PSMD1: variants seen among roughly 807,000 people sequenced by gnomAD.
The protein encoded by PSMD1 is 26S proteasome non-ATPase regulatory subunit 1.
PSMD1 carries 18 observed loss-of-function variants against 119.0 expected under a neutral mutation model. The observed-to-expected ratio is 0.15, with a 90% CI of 0.10 to 0.22. The LOEUF is 0.22. Among genes scored for constraint, PSMD1 ranks in the 10% least tolerant of loss-of-function variants. PSMD1 has a pLI of 1.00. For missense variants in PSMD1, 702 were observed against 1,158.5 expected (o/e 0.61, Z 5.72); for synonymous variants, 374 against 396.6 (o/e 0.94, Z 0.68).
At chr2:231,078,791 C>CTTTTTCTTTTTT in intron 10 of PSMD1, 44 bp downstream of exon 10, 1 of 341,372 alleles carries the variant, frequency 2.9e-6, no homozygotes, top group South Asian at 4.2e-5. Flanking sequence ...AAATCTTTTT[C>CTTTTTCTTTTTT]TTTTTTTTTT....
chr2:231,073,923 A>G (rs1440949032), intron 7 of PSMD1, among the ~76,000 whole-genome samples: 1 of 152,212 alleles, frequency 6.6e-6, no homozygotes, highest in Middle Eastern at 3.4e-3. Flanking sequence ...ATCCTTTTAC[A>G]GAATTCTGTT....
In PSMD1 at chr2:231,108,710, C is replaced by T. The variant is rs368672604; in HGVS notation, c.1883+21529C>T. The T allele has an allele frequency of 8.1e-6, 13 of 1,613,944 alleles. No homozygotes were observed. Among genetic ancestry groups the T allele is most frequent in the African/African-American group, 8.0e-5 (6 of 74,902 alleles). Reference sequence around the variant, plus strand: ...CTTAGAGTTCTCTGCCATTGGATTCCGGAAGTAGATCTTACTGGAGCGTTT... The same window carrying T: ...CTTAGAGTTCTCTGCCATTGGATTCTGGAAGTAGATCTTACTGGAGCGTTT... On this transcript the variant is annotated intron_variant, in intron 16 of 24. Transcript: ENST00000308696.
In PSMD1 at chr2:231,170,141, G is replaced by C. The variant is rs1696881499; in HGVS notation, c.2716-425G>C. ...ATCTTGTTAGAATGCAGATTCTGCA[G>C]ATCTAGGGTGGGGCCAGCTTTTCTG... On this transcript the variant is annotated intron_variant, in intron 23 of 24. Transcript: ENST00000308696. The surrounding 1 kb of genome is among the most constrained non-coding windows in gnomAD (Gnocchi z 4.1). Among the ~76,000 whole-genome samples the C allele has an allele frequency of 6.6e-6, 1 of 152,204 alleles. No individual in the cohort carries two copies. Among genetic ancestry groups the C allele is most frequent in the African/African-American group, 2.4e-5 (1 of 41,456 alleles).
chr2:231,082,719 A>C (rs1694340671), intron 12 of PSMD1, among the ~76,000 whole-genome samples, 164 bp from the exon 13 acceptor site: 1 of 152,188 alleles, frequency 6.6e-6, no homozygotes, highest in Non-Finnish European at 1.5e-5. Flanking sequence ...CAAAAACTGC[A>C]ATTGCTGAGT....
intron 8 of PSMD1, 125 bp downstream of exon 8, chr2:231,075,696 T>C (rs780609776): frequency 1.0e-5 from 8 of 762,584 alleles, no homozygotes; most frequent in Non-Finnish European, 1.7e-5. Flanking sequence ...CCTCCCACCT[T>C]AGCCTCCCAA....
chr2:231,067,895 G>A (rs748642401), intron 5 of PSMD1, among the ~76,000 whole-genome samples: 1 of 152,042 alleles, frequency 6.6e-6, no homozygotes, highest in African/African-American at 2.4e-5. Flanking sequence ...GACCTCAAGT[G>A]ATCCACCCGT....
In PSMD1 at chr2:231,096,100, G is replaced by A. The variant is rs541037269; in HGVS notation, c.1883+8919G>A. On this transcript the variant is annotated intron_variant, in intron 16 of 24. Transcript: ENST00000308696. ...CTCTTGTAAATGGGCTAGCGGCTCC[G>A]TTCTTTCTAATGCTTTTTCTTATCT... is the stretch of plus-strand genomic sequence containing the variant. 2.6e-5 allele frequency among the ~76,000 whole-genome samples: 4 copies of A among 152,288 alleles called. No homozygotes were observed. In the South Asian group the frequency reaches 6.2e-4, roughly 24 times the overall value.
chr2:231,149,336 T>C (rs1028198879), intron 18 of PSMD1, among the ~76,000 whole-genome samples: 1 of 152,210 alleles, frequency 6.6e-6, no homozygotes, highest in Non-Finnish European at 1.5e-5. Context: ...CTCCTCTTTA[T>C]TAAATTATCT....
At chr2:231,109,080 T>TG in intron 16 of PSMD1, 1 of 1,614,256 alleles carries the variant, frequency 6.2e-7, no homozygotes. Flanking sequence ...TCACCTGAGT[T>TG]GGGCAGAGCC....
Position 231,170,925 on chromosome 2 carries a change from C to T in PSMD1, c.*9+204C>T, listed in dbSNP as rs908503922. Among the ~76,000 whole-genome samples the T allele has an allele frequency of 6.6e-6, 1 of 152,166 alleles. No homozygotes were observed. The highest frequency in any genetic ancestry group is 6.5e-5 in the Admixed American group (1 of 15,284). On this transcript the variant is annotated intron_variant, in intron 24 of 24. Coordinates refer to ENST00000308696, the MANE Select transcript of PSMD1 (RefSeq NM_002807.4). This position sits in a 1 kb window ranked among gnomAD's most constrained non-coding sequence, Gnocchi z 4.1. ...TCTTTCCTCTTTGACTCGTACTCTA[C>T]TCACGTTATTCAAAGTGGCTGGTCT...
At chr2:231,101,944 T>C (rs1232520042) in intron 16 of PSMD1, among the ~76,000 whole-genome samples, 1 of 152,180 alleles carries the variant, frequency 6.6e-6, no homozygotes, top group Non-Finnish European at 1.5e-5. Context: ...AACTGTAGAA[T>C]AGCAGAGACT....
chr2:231,105,130 G>C (rs543978590), intron 16 of PSMD1, among the ~76,000 whole-genome samples: 7 of 152,054 alleles, frequency 4.6e-5, no homozygotes, highest in Admixed American at 2.0e-4. Context: ...TTTATTCTTA[G>C]GATAGTCCAG....
At chr2:231,086,272 G>A (rs1694437978) in intron 15 of PSMD1, among the ~76,000 whole-genome samples, 1 of 152,142 alleles carries the variant, frequency 6.6e-6, no homozygotes, top group Admixed American at 6.6e-5. Context: ...TCGAACTCCT[G>A]GGCTCAAGCA....
chr2:231,156,395 G>C (rs893809848), intron 19 of PSMD1, among the ~76,000 whole-genome samples: 6 of 151,924 alleles, frequency 3.9e-5, no homozygotes, highest in African/African-American at 1.4e-4. Context: ...TCTTTATGTT[G>C]TACATTTTAT....
chr2:231,145,328 TA>T (rs1696227947), intron 17 of PSMD1, among the ~76,000 whole-genome samples: 1 of 152,158 alleles, frequency 6.6e-6, no homozygotes, highest in East Asian at 1.9e-4. Context: ...AAATACAGTA[TA>T]AAAGATAAAA....
chr2:231,110,003 T>G (rs1695100371), intron 16 of PSMD1, among the ~76,000 whole-genome samples: 1 of 152,190 alleles, frequency 6.6e-6, no homozygotes, highest in South Asian at 2.1e-4. Flanking sequence ...GTTGAAAGAT[T>G]ATGAGTTCTT....
At chr2:231,114,330 C>T (rs1429931228) in intron 16 of PSMD1, among the ~76,000 whole-genome samples, 2 of 151,876 alleles carry the variant, frequency 1.3e-5, no homozygotes, top group Non-Finnish European at 2.9e-5. Context: ...AACATTTTAC[C>T]ATGTAGAGGA....
At chr2:231,064,913 C>T (rs1476849728) in intron 4 of PSMD1, among the ~76,000 whole-genome samples, 4 of 112,296 alleles carry the variant, frequency 3.6e-5, no homozygotes, top group Non-Finnish European at 6.7e-5. Flanking sequence ...CCACTTGCCT[C>T]GGCTTCCCAA....
chr2:231,113,065 G>A (rs771357012), intron 16 of PSMD1, among the ~76,000 whole-genome samples: 3 of 152,144 alleles, frequency 2.0e-5, no homozygotes, highest in Non-Finnish European at 2.9e-5. Context: ...CTGGGAGGCT[G>A]AGGTGGGAGG....
Sources: allele counts gnomAD v4.1 joint callset (sites outside exome capture counted in the v4.1 genomes callset), GRCh38; gene constraint gnomAD v4.1.1; non-coding constraint Gnocchi (gnomAD v3.1); transcripts MANE v1.5; gene names NCBI Gene and HGNC (gene_info 2026-07-23, HGNC 2026-07-21).